Variants in GATAD1 observed in about 807,000 individuals in gnomAD.
GATAD1 encodes the protein GATA zinc finger domain-containing protein 1.
GATAD1 carries 12 observed loss-of-function variants against 26.5 expected under a neutral mutation model. That is an observed-to-expected ratio of 0.45 (90% CI 0.29 to 0.73). GATAD1 has a LOEUF of 0.73. Ranked by LOEUF, GATAD1 falls within the 30% of genes least tolerant of loss-of-function variation. GATAD1 has a pLI of 0.10. For synonymous variants in GATAD1, 129 were observed against 133.1 expected (o/e 0.97, Z 0.21); for missense variants, 266 against 342.1 (o/e 0.78, Z 1.75).
the GATAD1 span, among the ~76,000 whole-genome samples, chr7:92,485,985 T>C: frequency 1.3e-5 from 2 of 152,240 alleles, no homozygotes; most frequent in African/African-American, 4.8e-5. Flanking sequence ...TCAGTGCTTA[T>C]ACTAATCAAG....
rs976177677 is a variant in GATAD1 at position 92,449,632 on chromosome 7, A to G, written c.375+755A>G. The G allele has an allele frequency of 3.1e-6, 3 of 979,220 alleles. No individual in the cohort carries two copies. The African/African-American group carries it at 5.3e-5, about 17-fold the overall frequency. The allele number at this position is 979,220 out of a possible 1,614,324, so 60.7% of individuals were successfully genotyped here. A position where few individuals can be genotyped will look rare whatever the true frequency, so the allele number is the denominator to read the frequency against. On this transcript the variant is annotated intron_variant, in intron 2 of 4. Transcript: ENST00000287957. ...GGCCATATTTATTTCTAAAACACAAAGGGACCCTGCAGTAGACTTATGCAG... is the reference window on the plus strand; with the variant it reads ...GGCCATATTTATTTCTAAAACACAAGGGGACCCTGCAGTAGACTTATGCAG...
At chr7:92,482,974 TC>T in the GATAD1 span, among the ~76,000 whole-genome samples, 1 of 152,286 alleles carries the variant, frequency 6.6e-6, no homozygotes, top group South Asian at 2.1e-4. Flanking sequence ...GGACTTAGCC[TC>T]CACTGTGAGA....
At chr7:92,495,620 T>C in the GATAD1 span, among the ~76,000 whole-genome samples, 2 of 152,186 alleles carry the variant, frequency 1.3e-5, no homozygotes, top group Non-Finnish European at 2.9e-5. Context: ...TCCCTTATTA[T>C]CTTTTACATT....
the GATAD1 span, among the ~76,000 whole-genome samples, chr7:92,475,954 A>G: frequency 1.3e-5 from 2 of 152,214 alleles, no homozygotes. Context: ...ACGTTTGAGG[A>G]GACCAGTTAT....
At chr7:92,471,994 T>G in the GATAD1 span, 6 of 152,248 alleles carry the variant, frequency 3.9e-5, no homozygotes, top group African/African-American at 1.4e-4. Context: ...CCATTATCAC[T>G]GACCACTGCA....
downstream of GATAD1, among the ~76,000 whole-genome samples, chr7:92,463,921 T>C (rs1389786313): frequency 6.6e-6 from 1 of 151,970 alleles, no homozygotes; most frequent in African/African-American, 2.4e-5. Context: ...TGAGTTGAGA[T>C]TGCGCCACTG....
the GATAD1 span, among the ~76,000 whole-genome samples, chr7:92,479,598 C>T: frequency 2.0e-5 from 3 of 152,082 alleles, no homozygotes; most frequent in Admixed American, 1.3e-4. Context: ...TTGCTGTCTT[C>T]TTATATTAAT....
chr7:92,451,459 G>A (rs1005822136), intron 3 of GATAD1, among the ~76,000 whole-genome samples: 5 of 152,138 alleles, frequency 3.3e-5, no homozygotes, highest in Admixed American at 6.5e-5. Flanking sequence ...TTGGTGTTTC[G>A]GGATCTGAAC....
At chr7:92,493,154 CAAATA>C in the GATAD1 span, 1 of 1,328,796 alleles carries the variant, frequency 7.5e-7, no homozygotes, top group Non-Finnish European at 1.1e-6. Context: ...ATTTATTTAA[CAAATA>C]AAAAATAAAA....
the GATAD1 span, among the ~76,000 whole-genome samples, chr7:92,481,386 G>T: frequency 6.6e-6 from 1 of 152,186 alleles, no homozygotes; most frequent in Admixed American, 6.5e-5. Flanking sequence ...TGCGTCAGGT[G>T]TGAGAAAGAA....
chr7:92,474,879 T>G, the GATAD1 span: 1 of 152,138 alleles, frequency 6.6e-6, no homozygotes, highest in Non-Finnish European at 1.5e-5. Context: ...CTCCCACTGC[T>G]TGGAGGGGTC....
At chr7:92,452,647 G>A (rs185619015) in intron 3 of GATAD1, among the ~76,000 whole-genome samples, 1 of 152,242 alleles carries the variant, frequency 6.6e-6, no homozygotes, top group African/African-American at 2.4e-5. Flanking sequence ...CAAATGAGGA[G>A]ACTACTCAGA....
chr7:92,481,201 A>T, the GATAD1 span, among the ~76,000 whole-genome samples: 1 of 152,182 alleles, frequency 6.6e-6, no homozygotes, highest in Non-Finnish European at 1.5e-5. Flanking sequence ...AGAAGGAAAT[A>T]TGGGGAAATG....
chr7:92,462,516 A>G (rs1789958160), downstream of GATAD1, among the ~76,000 whole-genome samples: 1 of 152,240 alleles, frequency 6.6e-6, no homozygotes, highest in East Asian at 1.9e-4. Flanking sequence ...TTGTATTACT[A>G]GCATCCACTA....
the GATAD1 span, chr7:92,489,426 T>C: frequency 3.1e-6 from 5 of 1,611,864 alleles, no homozygotes; most frequent in South Asian, 2.2e-5. Flanking sequence ...TCGTCCTCCT[T>C]AAGTAAAAAA....
At chr7:92,490,103 T>TTATA in the GATAD1 span, 1 of 607,624 alleles carries the variant, frequency 1.6e-6, no homozygotes, top group African/African-American at 1.8e-5. Context: ...GATACCTGTG[T>TTATA]TATAGAACCA....
the GATAD1 span, chr7:92,473,225 A>C: frequency 2.6e-5 from 4 of 152,218 alleles, no homozygotes; most frequent in African/African-American, 4.8e-5. Context: ...CTGGCTATAG[A>C]GGAACAACAG....
At chr7:92,495,134 G>A in the GATAD1 span, among the ~76,000 whole-genome samples, 38 of 151,858 alleles carry the variant, frequency 2.5e-4, no homozygotes, top group Non-Finnish European at 5.9e-5. Flanking sequence ...GTACTGTTTT[G>A]TAAGGGCTCT....
downstream of GATAD1, among the ~76,000 whole-genome samples, chr7:92,460,536 T>C (rs1162789831): frequency 3.3e-5 from 5 of 152,136 alleles, no homozygotes; most frequent in Non-Finnish European, 5.9e-5. Context: ...ACAAGGAAGA[T>C]TGCTCGTAGT....
Sources: gnomAD v4.1 joint callset for allele counts (sites outside exome capture counted in the v4.1 genomes callset) on GRCh38, gnomAD v4.1.1 for gene constraint, MANE v1.5 for transcripts, NCBI Gene and HGNC (gene_info 2026-07-23, HGNC 2026-07-21) for gene names.